The following SV2C variants were observed in gnomAD, a reference collection of about 807,000 sequenced individuals.
The protein encoded by SV2C is solute carrier family 22 member B3.
Under a neutral mutation model 79.7 loss-of-function variants are expected in SV2C, and 49 were observed. That is an observed-to-expected ratio of 0.61 (90% CI 0.49 to 0.78). The LOEUF (loss-of-function observed/expected upper bound fraction) is 0.78. Ranked by LOEUF, SV2C falls within the 30% of genes least tolerant of loss-of-function variation. The pLI, the probability that SV2C is intolerant of heterozygous loss-of-function variation, is 0.00. For synonymous variants in SV2C, 334 were observed against 333.2 expected, an observed-to-expected ratio of 1.00 and a Z score of -0.03; for missense variants, 833 against 912.9, an observed-to-expected ratio of 0.91 and a Z score of 1.13.
the SV2C span, among the ~76,000 whole-genome samples, chr5:76,023,965 T>C: frequency 1.3e-5 from 2 of 151,498 alleles, no homozygotes; most frequent in Non-Finnish European, 2.9e-5. Flanking sequence ...ATTGCAACAA[T>C]AAAAAATGTC....
Position 76,285,332 on chromosome 5 carries a change from C to T in SV2C, c.1047+37C>T. 3 of 1,606,868 alleles carry T rather than the reference C, an allele frequency of 1.9e-6. No homozygotes were observed. The East Asian group carries it at 6.7e-5, about 36-fold the overall frequency. The stretch of plus-strand genomic sequence containing the variant: ...TATTGCAGATACTCAGGTAGCCCAC[C>T]TCTATTGGAAAAAGTTCCTTGTTAA... On this transcript the variant is annotated intron_variant, in intron 5 of 12. Transcript: ENST00000502798.
At chr5:75,900,341 A>G in the SV2C span, among the ~76,000 whole-genome samples, 3,733 of 152,294 alleles carry the variant, frequency 0.025, 151 homozygotes, top group African/African-American at 0.085. Flanking sequence ...TTGGCTGGAT[A>G]TGAAATTTTG....
At chr5:76,346,942 G>A (rs968290572) in intron 12 of SV2C, among the ~76,000 whole-genome samples, 13 of 152,132 alleles carry the variant, frequency 8.5e-5, no homozygotes, top group African/African-American at 2.4e-4. Context: ...CCCTTCCACC[G>A]TGCATCTTTC....
chr5:75,925,659 A>G, the SV2C span, among the ~76,000 whole-genome samples: 7 of 152,168 alleles, frequency 4.6e-5, no homozygotes, highest in African/African-American at 7.2e-5. Flanking sequence ...TCGCAGTATC[A>G]TGGGGATGGA....
intron 2 of SV2C, among the ~76,000 whole-genome samples, chr5:76,151,363 A>G (rs1749598679): frequency 6.6e-6 from 1 of 152,204 alleles, no homozygotes; most frequent in Non-Finnish European, 1.5e-5. Flanking sequence ...GCTTGAAATG[A>G]ATTCATTTTG....
At chr5:75,966,632 G>A in the SV2C span, among the ~76,000 whole-genome samples, 1 of 152,198 alleles carries the variant, frequency 6.6e-6, no homozygotes, top group Non-Finnish European at 1.5e-5. Flanking sequence ...AATTAAAAGT[G>A]GGTATAAATC....
chr5:76,301,405 G>C lies in SV2C; in HGVS notation c.1860G>C (p.Ser620=). The change falls in exon 12 of 13, where the codon TCG becomes TCC. Residue 620 remains serine, a synonymous_variant. Coordinates refer to ENST00000502798, the MANE Select transcript of SV2C (RefSeq NM_014979.4). ...LTMLGGSMVL[S]GISCFFLWFG... ...TGGCAGGTGGCTCTATGGTGCTTTC[G>C]GGGATCAGCTGTTTCTTCCTTTGGT... 1 of 1,613,914 alleles carries C rather than the reference G, an allele frequency of 6.2e-7. No homozygotes were observed. The highest frequency in any genetic ancestry group is 8.5e-7 in the Non-Finnish European group (1 of 1,179,962).
At chr5:76,106,724 A>G (rs1336170589) in intron 1 of SV2C, among the ~76,000 whole-genome samples, 1 of 152,160 alleles carries the variant, frequency 6.6e-6, no homozygotes, top group Non-Finnish European at 1.5e-5. Context: ...TCATTGCCTG[A>G]ATCTCATCTC....
At chr5:75,875,871 T>C in the SV2C span, among the ~76,000 whole-genome samples, 1 of 152,020 alleles carries the variant, frequency 6.6e-6, no homozygotes, top group East Asian at 1.9e-4. Context: ...AAAACCACAG[T>C]GAGATACCAT....
intron 12 of SV2C, among the ~76,000 whole-genome samples, chr5:76,320,531 C>T (rs187326192): frequency 2.0e-4 from 31 of 152,278 alleles, no homozygotes; most frequent in African/African-American, 7.0e-4. Flanking sequence ...TAAGAGAACT[C>T]TACTTTTTGT....
At chr5:75,976,549 C>T in the SV2C span, among the ~76,000 whole-genome samples, 2 of 149,018 alleles carry the variant, frequency 1.3e-5, no homozygotes, top group Non-Finnish European at 3.0e-5. Flanking sequence ...TACCTTCCTT[C>T]CTTATATAGT....
intron 4 of SV2C, among the ~76,000 whole-genome samples, chr5:76,230,412 A>G (rs1358286876): frequency 6.6e-6 from 1 of 152,228 alleles, no homozygotes; most frequent in African/African-American, 2.4e-5. Flanking sequence ...TCTGCACCTA[A>G]GGTTGAAAAG....
chr5:76,047,371 G>A, the SV2C span, among the ~76,000 whole-genome samples: 1 of 152,112 alleles, frequency 6.6e-6, no homozygotes, highest in Non-Finnish European at 1.5e-5. Flanking sequence ...GTATTATTTT[G>A]TGTGTGGCTT....
intron 4 of SV2C, among the ~76,000 whole-genome samples, chr5:76,247,387 A>T (rs1304900536): frequency 6.6e-6 from 1 of 152,184 alleles, no homozygotes; most frequent in African/African-American, 2.4e-5. Context: ...TGCTTTATTC[A>T]TCTGTAGCTG....
chr5:75,855,555 G>C, the SV2C span, among the ~76,000 whole-genome samples: 1 of 152,060 alleles, frequency 6.6e-6, no homozygotes, highest in African/African-American at 2.4e-5. Flanking sequence ...TGCTCACTTA[G>C]TGCCTCTGTG....
the SV2C span, among the ~76,000 whole-genome samples, chr5:76,024,369 A>G: frequency 1.2e-4 from 18 of 152,266 alleles, no homozygotes; most frequent in African/African-American, 4.1e-4. Flanking sequence ...TGGTGTCCCA[A>G]TGTTGCTTTG....
chr5:76,242,285 C>G, intron 4 of SV2C: 1 of 1,355,032 alleles, frequency 7.4e-7, no homozygotes, highest in Non-Finnish European at 1.0e-6. Context: ...TTCAGCCTTT[C>G]TCTTGGGCAT....
chr5:76,060,785 C>T, the SV2C span, among the ~76,000 whole-genome samples: 1 of 152,060 alleles, frequency 6.6e-6, no homozygotes, highest in Non-Finnish European at 1.5e-5. Flanking sequence ...CTGTGTGGTG[C>T]AAGAGGCCTA....
the SV2C span, among the ~76,000 whole-genome samples, chr5:76,037,118 G>A: frequency 6.6e-6 from 1 of 152,098 alleles, no homozygotes; most frequent in South Asian, 2.1e-4. Flanking sequence ...GCACTTCTCT[G>A]TATTGGTTAT....
Sources: allele counts gnomAD v4.1 joint callset (sites outside exome capture counted in the v4.1 genomes callset), GRCh38; gene constraint gnomAD v4.1.1; transcripts MANE v1.5; gene names NCBI Gene and HGNC (gene_info 2026-07-23, HGNC 2026-07-21).